SSBP2: variants seen among roughly 807,000 people sequenced by gnomAD.
SSBP2 encodes single-stranded DNA-binding protein 2.
A neutral mutation model predicts 61.8 loss-of-function variants in SSBP2; 17 were observed. The ratio of observed to expected loss-of-function variants is 0.28; its 90% CI spans 0.19 to 0.41. The LOEUF is 0.41. Ranked by LOEUF, SSBP2 falls within the 10% of genes least tolerant of loss-of-function variation. The pLI is 1.00. For synonymous variants in SSBP2, 139 were observed against 141.3 expected, an observed-to-expected ratio of 0.98 and a Z score of 0.12; for missense variants, 310 against 458.7, an observed-to-expected ratio of 0.68 and a Z score of 2.96.
chr5:81,629,437 A>G (rs568445108), intron 3 of SSBP2, among the ~76,000 whole-genome samples: 1 of 152,322 alleles, frequency 6.6e-6, no homozygotes, highest in East Asian at 1.9e-4. Context: ...TTGTCTCTTT[A>G]TATTTTATCA....
At chr5:81,557,093 C>T (rs542884728) in intron 4 of SSBP2, among the ~76,000 whole-genome samples, 1 of 152,204 alleles carries the variant, frequency 6.6e-6, no homozygotes. Flanking sequence ...GCCTTTATGG[C>T]CTAGCCTCTA....
At chr5:81,535,452 T>C (rs1338560380) in intron 4 of SSBP2, among the ~76,000 whole-genome samples, 1 of 151,978 alleles carries the variant, frequency 6.6e-6, no homozygotes, top group Non-Finnish European at 1.5e-5. Context: ...TTTATATGAA[T>C]AGGTAAAAGA....
intron 4 of SSBP2, among the ~76,000 whole-genome samples, chr5:81,531,799 G>A (rs1376940107): frequency 6.6e-6 from 1 of 151,914 alleles, no homozygotes; most frequent in African/African-American, 2.4e-5. Context: ...GGAGATCAGG[G>A]TCCCTAAGAA....
intron 4 of SSBP2, among the ~76,000 whole-genome samples, chr5:81,541,872 C>T (rs1326784771): frequency 6.6e-6 from 1 of 152,116 alleles, no homozygotes; most frequent in East Asian, 1.9e-4. Context: ...CAAAGAATTA[C>T]GACTAAGTCC....
At chr5:81,678,987 A>C (rs958012655) in intron 1 of SSBP2, among the ~76,000 whole-genome samples, 28 of 152,188 alleles carry the variant, frequency 1.8e-4, no homozygotes, top group African/African-American at 6.8e-4. Flanking sequence ...AGAATGAATA[A>C]GTAAAGGTAA....
intron 4 of SSBP2, among the ~76,000 whole-genome samples, chr5:81,532,882 G>A (rs1770524107): frequency 1.3e-5 from 2 of 151,816 alleles, no homozygotes; most frequent in South Asian, 4.1e-4. Context: ...AAGGTTTAAA[G>A]TGCATGAAAC....
intron 1 of SSBP2, among the ~76,000 whole-genome samples, chr5:81,671,022 C>A (rs1751543441): frequency 6.6e-6 from 1 of 152,064 alleles, no homozygotes; most frequent in Admixed American, 6.6e-5. Context: ...AGCAATATAT[C>A]CGACCTGTAC....
intron 4 of SSBP2, among the ~76,000 whole-genome samples, chr5:81,589,635 G>A (rs991682616): frequency 1.3e-5 from 2 of 152,138 alleles, no homozygotes; most frequent in Non-Finnish European, 2.9e-5. Context: ...TAGATATGTG[G>A]TTTATTCTAG....
At chr5:81,649,602 T>C (rs1216485318) in intron 2 of SSBP2, among the ~76,000 whole-genome samples, 1 of 151,872 alleles carries the variant, frequency 6.6e-6, no homozygotes, top group Non-Finnish European at 1.5e-5. Context: ...ACGGGAACAC[T>C]AGACACTACA....
intron 8 of SSBP2, among the ~76,000 whole-genome samples, chr5:81,470,025 GC>G (rs1765146485): frequency 6.6e-6 from 1 of 151,780 alleles, no homozygotes; most frequent in African/African-American, 2.4e-5. Flanking sequence ...AAATTCTACT[GC>G]CCATCATAGA....
At chr5:81,640,536 C>T (rs1748691079) in intron 2 of SSBP2, among the ~76,000 whole-genome samples, 1 of 151,872 alleles carries the variant, frequency 6.6e-6, no homozygotes, top group Admixed American at 6.6e-5. Flanking sequence ...ATATGTATGC[C>T]ATCTTTTATC....
intron 4 of SSBP2, among the ~76,000 whole-genome samples, chr5:81,539,903 C>T (rs1771118230): frequency 6.6e-6 from 1 of 152,114 alleles, no homozygotes; most frequent in Non-Finnish European, 1.5e-5. Flanking sequence ...TAGCCCCCCA[C>T]CCCGACAGGC....
chr5:81,630,313 G>GCATCT (rs1265036891), intron 3 of SSBP2, among the ~76,000 whole-genome samples: 1 of 152,136 alleles, frequency 6.6e-6, no homozygotes, highest in African/African-American at 2.4e-5. Context: ...AGAAGGTCAG[G>GCATCT]CATCTGCTGG....
rs564159693 is a variant in SSBP2, at chr5:81,433,198, G to A, written c.957+4232C>T. 1.5e-3 allele frequency among the ~76,000 whole-genome samples: 221 copies of A among 151,954 alleles called. 1 individual carries two copies. The highest frequency in any genetic ancestry group is 5.1e-3 in the African/African-American group (213 of 41,442). ...AAGGTGGGGAAAAGATTGAGAAATC[G>A]GATGGTTGCTGTGTCTGTGTGGAAA... On this transcript the variant is annotated intron_variant, in intron 15 of 16. Transcript: ENST00000320672.
intron 3 of SSBP2, among the ~76,000 whole-genome samples, chr5:81,629,943 T>A (rs574423181): frequency 2.6e-5 from 4 of 152,380 alleles, no homozygotes; most frequent in Admixed American, 6.5e-5. Flanking sequence ...TCTGCTTTAA[T>A]ACTTTTAAAT....
Position 81,417,607 on chromosome 5 carries a change from A to G in SSBP2, c.*2897T>C, listed in dbSNP as rs1193696589. 1.3e-5 allele frequency: 2 copies of G among 152,250 alleles called. No individual in the cohort carries two copies. The highest frequency in any genetic ancestry group is 4.8e-5 in the African/African-American group (2 of 41,470). The allele number at this position is 152,250 out of a possible 1,614,324, so 9.4% of individuals were successfully genotyped here. A position where few individuals can be genotyped will look rare whatever the true frequency, so the allele number is the denominator to read the frequency against. The stretch of plus-strand genomic sequence containing the variant: ...AAGATGGAAAACACAAGAGAAAAAC[A>G]TTAAATAGTCTTATTACAAGAAAAA... On this transcript the variant is annotated 3_prime_UTR_variant, in exon 17 of 17. Transcript: ENST00000320672.
chr5:81,517,995 C>T (rs1287695029), intron 4 of SSBP2, among the ~76,000 whole-genome samples: 1 of 151,970 alleles, frequency 6.6e-6, no homozygotes, highest in Non-Finnish European at 1.5e-5. Context: ...CAATTTATTA[C>T]TAAACACAAT....
intron 1 of SSBP2, among the ~76,000 whole-genome samples, chr5:81,686,919 G>A (rs1752855093): frequency 7.0e-6 from 1 of 143,580 alleles, no homozygotes; most frequent in Non-Finnish European, 1.5e-5. Context: ...AAAAGAAAAA[G>A]TGACAAAATG....
chr5:81,587,174 T>C (rs1775120160), intron 4 of SSBP2, among the ~76,000 whole-genome samples: 1 of 152,182 alleles, frequency 6.6e-6, no homozygotes, highest in Non-Finnish European at 1.5e-5. Flanking sequence ...TTCTAGCAAA[T>C]CACTGAATCA....
Sources: allele counts gnomAD v4.1 joint callset (sites outside exome capture counted in the v4.1 genomes callset), GRCh38; gene constraint gnomAD v4.1.1; transcripts MANE v1.5; gene names NCBI Gene and HGNC (gene_info 2026-07-23, HGNC 2026-07-21).